Variants in OR1F1 observed in about 807,000 individuals in gnomAD.
OR1F1 encodes the protein olfactory receptor family 1 subfamily F member 1, also known as olfactory receptor 1F1.
For synonymous variants in OR1F1, 184 were observed against 156.7 expected, an observed-to-expected ratio of 1.17 and a Z score of -1.30; for missense variants, 493 against 376.3, an observed-to-expected ratio of 1.31 and a Z score of -2.57.
Position 3,205,168 on chromosome 16 carries a change from G to T in OR1F1, c.922G>T (p.Val308Leu), listed in dbSNP as rs1383198951. 25 of 1,608,552 alleles carry T rather than the reference G, an allele frequency of 1.6e-5. No individual in the cohort carries two copies. In the East Asian group the frequency reaches 3.3e-4, roughly 22 times the overall value. The stretch of plus-strand genomic sequence containing the variant: ...GGCTCTGAAAAAAGTAGTTGGCAGG[G>T]TGGTGTTTTCTGTCTGATGAAATAA... Residue 308 changes from valine (V) to leucine (L), a missense_variant, in exon 1 of 1, where the codon GTG (valine) becomes TTG (leucine). By Grantham distance (32) the Val-to-Leu change is conservative. Coordinates refer to ENST00000304646, the Ensembl canonical transcript of OR1F1.
At chr16:3,204,207 C>T (rs780965320), upstream of OR1F1, 22 of 1,473,392 alleles carry the variant, frequency 1.5e-5, no homozygotes, top group South Asian at 9.2e-5. Context: ...TTTTGCATTT[C>T]GTCTTCTTTG....
chr16:3,194,767 C>A, the OR1F1 span, among the ~76,000 whole-genome samples: 1 of 152,300 alleles, frequency 6.6e-6, no homozygotes, highest in African/African-American at 2.4e-5. Flanking sequence ...GTGAGGTGGG[C>A]AGATGATCAT....
chr16:3,192,055 G>C, the OR1F1 span, among the ~76,000 whole-genome samples: 3 of 152,166 alleles, frequency 2.0e-5, no homozygotes, highest in East Asian at 3.9e-4. Context: ...AATCCCGGAC[G>C]AGCCCCTCTT....
At chr16:3,200,767 G>C (rs112648625), upstream of OR1F1, among the ~76,000 whole-genome samples, 117 of 152,280 alleles carry the variant, frequency 7.7e-4, 1 homozygote, top group African/African-American at 2.6e-3. Flanking sequence ...GGCTTACTGT[G>C]TGGACTGTGT....
At chr16:3,206,356 T>A (rs2141596557), downstream of OR1F1, among the ~76,000 whole-genome samples, 1 of 152,320 alleles carries the variant, frequency 6.6e-6, no homozygotes. Context: ...ATTTTGTCCT[T>A]TGCCTTGTGA....
upstream of OR1F1, among the ~76,000 whole-genome samples, chr16:3,201,834 A>G (rs1399787569): frequency 6.6e-6 from 1 of 152,144 alleles, no homozygotes; most frequent in African/African-American, 2.4e-5. Context: ...TTTCCATGGC[A>G]ATGACTCAGT....
chr16:3,204,337 T>G, exon 1 of OR1F1: 1 of 1,614,142 alleles, frequency 6.2e-7, no homozygotes, highest in South Asian at 1.1e-5. Context: ...CTTTGTGTTC[T>G]TCCTCAGCAT....
At chr16:3,203,141 C>G (rs563383919), upstream of OR1F1, among the ~76,000 whole-genome samples, 1 of 152,292 alleles carries the variant, frequency 6.6e-6, no homozygotes, top group Non-Finnish European at 1.5e-5. Flanking sequence ...TTATGTATGA[C>G]AAAGCTTTAT....
downstream of OR1F1, among the ~76,000 whole-genome samples, chr16:3,206,437 C>G (rs1341064827): frequency 2.0e-5 from 3 of 152,108 alleles, no homozygotes; most frequent in Non-Finnish European, 4.4e-5. Flanking sequence ...ATCTCTGTGA[C>G]CTACTCCCTG....
upstream of OR1F1, among the ~76,000 whole-genome samples, chr16:3,203,274 T>C (rs935616435): frequency 2.2e-4 from 33 of 152,208 alleles, no homozygotes; most frequent in Non-Finnish European, 4.4e-4. Flanking sequence ...GAGCTTGCCC[T>C]GTGATTCTTC....
At chr16:3,204,823 C>T in exon 1 of OR1F1, 1 of 1,614,180 alleles carries the variant, frequency 6.2e-7, no homozygotes, top group Non-Finnish European at 8.5e-7. Context: ...CTCAGACACA[C>T]ACCTCAATGA....
chr16:3,205,408 C>A (rs1958194833), downstream of OR1F1, among the ~76,000 whole-genome samples: 1 of 152,134 alleles, frequency 6.6e-6, no homozygotes, highest in Non-Finnish European at 1.5e-5. Flanking sequence ...CTCCATCTCC[C>A]AGGCTCAAGT....
chr16:3,206,304 A>G (rs144627604), downstream of OR1F1, among the ~76,000 whole-genome samples: 77 of 152,318 alleles, frequency 5.1e-4, no homozygotes, highest in African/African-American at 1.8e-3. Context: ...TATCAAGACA[A>G]TACGTGCACA....
the OR1F1 span, among the ~76,000 whole-genome samples, chr16:3,197,451 T>C: frequency 3.3e-5 from 5 of 152,180 alleles, no homozygotes; most frequent in African/African-American, 1.2e-4. Flanking sequence ...CTTCAAACTC[T>C]GGCATGCTTT....
At chr16:3,189,052 C>A in the OR1F1 span, among the ~76,000 whole-genome samples, 1 of 152,148 alleles carries the variant, frequency 6.6e-6, no homozygotes, top group Non-Finnish European at 1.5e-5. Context: ...AGACTCTCAG[C>A]GTCAGCCTTT....
At chr16:3,188,774 A>C in the OR1F1 span, among the ~76,000 whole-genome samples, 1 of 152,160 alleles carries the variant, frequency 6.6e-6, no homozygotes, top group Non-Finnish European at 1.5e-5. Flanking sequence ...ATCTGGATAC[A>C]GGGAAGGGCA....
chr16:3,204,061 G>A (rs1309306276), upstream of OR1F1, among the ~76,000 whole-genome samples: 1 of 152,184 alleles, frequency 6.6e-6, no homozygotes, highest in Non-Finnish European at 1.5e-5. Flanking sequence ...AGAAGGCCTG[G>A]CTCAGACTTC....
At chr16:3,188,275 C>T in the OR1F1 span, 3,087 of 151,964 alleles carry the variant, frequency 0.02, 44 homozygotes, top group Non-Finnish European at 0.028. Flanking sequence ...CCCGGGGTCC[C>T]GGGACGCAGA....
At chr16:3,205,082 C>A in exon 1 of OR1F1, 1 of 1,614,024 alleles carries the variant, frequency 6.2e-7, no homozygotes, top group Non-Finnish European at 8.5e-7. Context: ...GTGTTGTATA[C>A]AGTAGTGACT....
Sources: allele counts gnomAD v4.1 joint callset (sites outside exome capture counted in the v4.1 genomes callset), GRCh38; gene constraint gnomAD v4.1.1; transcripts MANE v1.5; gene names NCBI Gene and HGNC (gene_info 2026-07-23, HGNC 2026-07-21).